Variants in BAIAP2L1 observed in about 807,000 individuals in gnomAD.
BAIAP2L1 encodes the protein BAR/IMD domain-containing adapter protein 2-like 1.
Under a neutral mutation model 66.3 loss-of-function variants are expected in BAIAP2L1, and 35 were observed. That is an observed-to-expected ratio of 0.53 (90% CI 0.40 to 0.70). The LOEUF (loss-of-function observed/expected upper bound fraction) is 0.70. Among genes scored for constraint, BAIAP2L1 ranks in the 30% least tolerant of loss-of-function variants. The pLI, the probability that BAIAP2L1 is intolerant of heterozygous loss-of-function variation, is 0.00. For synonymous variants in BAIAP2L1, 269 were observed against 248.7 expected, an observed-to-expected ratio of 1.08 and a Z score of -0.77; for missense variants, 622 against 656.9, an observed-to-expected ratio of 0.95 and a Z score of 0.58.
chr7:98,331,183 T>A (rs1801487108), intron 3 of BAIAP2L1, among the ~76,000 whole-genome samples: 1 of 151,866 alleles, frequency 6.6e-6, no homozygotes, highest in African/African-American at 2.4e-5. Flanking sequence ...CTTCCGAAAC[T>A]GAAATGCAAG....
rs528125973 is a variant in BAIAP2L1, at chr7:98,330,674, TAAAAAA to T, written c.215-10382_215-10377del. ...TGTTTCAAAAAAATAATAATAAAAA[TAAAAAA>T]TAAAGGAGGTTTATTTGGCTCTGGG... On this transcript the variant is annotated intron_variant, in intron 3 of 13. Transcript: ENST00000005260. 3.4e-4 allele frequency among the ~76,000 whole-genome samples: 52 copies of T among 152,062 alleles called. No individual in the cohort carries two copies. In the South Asian group the frequency reaches 0.01, roughly 30 times the overall value.
At chr7:98,317,831 C>T (rs1283947292) in intron 5 of BAIAP2L1, among the ~76,000 whole-genome samples, 1 of 151,138 alleles carries the variant, frequency 6.6e-6, no homozygotes, top group Non-Finnish European at 1.5e-5. Context: ...GGGACTGTCA[C>T]CCCGTAGTTC....
At chr7:98,385,406 T>C (rs1436942912) in intron 1 of BAIAP2L1, among the ~76,000 whole-genome samples, 1 of 152,156 alleles carries the variant, frequency 6.6e-6, no homozygotes, top group Non-Finnish European at 1.5e-5. Context: ...ATTTCTCAGA[T>C]ACCAGTAAGG....
intron 1 of BAIAP2L1, among the ~76,000 whole-genome samples, chr7:98,396,447 T>A (rs1803210751): frequency 6.6e-6 from 1 of 152,146 alleles, no homozygotes; most frequent in South Asian, 2.1e-4. Flanking sequence ...CAGTGACACC[T>A]TAGATCGCCA....
intron 3 of BAIAP2L1, among the ~76,000 whole-genome samples, chr7:98,345,429 G>T (rs993971217): frequency 6.6e-6 from 1 of 152,070 alleles, no homozygotes; most frequent in Non-Finnish European, 1.5e-5. Context: ...TGGTCAGTAA[G>T]AACATGAAAA....
rs764805259 is a variant in BAIAP2L1, at chr7:98,317,249, G to A, written c.456C>T (p.Asn152=). The change falls in exon 6 of 14, where the codon AAC becomes AAT. Residue 152 remains asparagine (N), a synonymous_variant. Transcript: ENST00000005260. ...KIRRKSQGSR[N]ALKYEHKEIE... is the part of the protein sequence containing the mutation. The stretch of plus-strand genomic sequence containing the variant: ...TTTCTTTGTGTTCATATTTGAGTGC[G>A]TTTCGGCTTCCTTGGCTTTTCCTTC... The A allele has an allele frequency of 6.5e-5, 105 of 1,614,108 alleles. 1 individual carries two copies. The highest frequency in any genetic ancestry group is 3.4e-4 in the South Asian group (31 of 91,088).
chr7:98,393,121 ATG>A (rs1220977168), intron 1 of BAIAP2L1, among the ~76,000 whole-genome samples: 1 of 97,734 alleles, frequency 1.0e-5, no homozygotes, highest in Non-Finnish European at 2.3e-5. Flanking sequence ...GTACACATAT[ATG>A]TATATATACA....
At chr7:98,328,843 T>A (rs952820206) in intron 3 of BAIAP2L1, among the ~76,000 whole-genome samples, 1 of 152,168 alleles carries the variant, frequency 6.6e-6, no homozygotes, top group Non-Finnish European at 1.5e-5. Context: ...TTTACACATA[T>A]CCATCTATAC....
Position 98,311,555 on chromosome 7 carries a change from T to TA in BAIAP2L1, c.807+541dup, listed in dbSNP as rs561706030. Among the ~76,000 whole-genome samples the TA allele has an allele frequency of 6.3e-3, 877 of 139,890 alleles. 7 individuals are homozygous for TA. Among genetic ancestry groups the TA allele is most frequent in the Non-Finnish European group, 7.8e-3 (500 of 63,824 alleles). The allele number at this position is 139,890 out of a possible 152,430, so 91.8% of individuals were successfully genotyped here. On this transcript the variant is annotated intron_variant, in intron 8 of 13. Coordinates refer to ENST00000005260, the MANE Select transcript of BAIAP2L1 (RefSeq NM_018842.5). ...GACTGTGTCTCAAAAACAAAAAAAA[T>TA]AAAAAAAAAACAGTAAGGATAAAAT...
At chr7:98,394,111 C>T (rs183607411) in intron 1 of BAIAP2L1, among the ~76,000 whole-genome samples, 3 of 152,120 alleles carry the variant, frequency 2.0e-5, no homozygotes, top group Non-Finnish European at 2.9e-5. Flanking sequence ...GGCGTGGTGG[C>T]AGGCGCCTGT....
intron 3 of BAIAP2L1, among the ~76,000 whole-genome samples, chr7:98,340,518 G>T (rs1401180792): frequency 1.3e-5 from 2 of 151,822 alleles, no homozygotes; most frequent in African/African-American, 2.4e-5. Context: ...CGATCTCCTG[G>T]CCTCGTGATC....
chr7:98,400,151 GCAC>G (rs1180960410), intron 1 of BAIAP2L1: 1 of 150,386 alleles, frequency 6.6e-6, no homozygotes, highest in Non-Finnish European at 1.5e-5. Flanking sequence ...CCCCACCGAC[GCAC>G]AACAGACCCC....
chr7:98,320,254 C>T lies in BAIAP2L1; in HGVS notation c.259G>A (p.Glu87Lys), dbSNP rs758939769. The T allele has an allele frequency of 1.1e-5, 17 of 1,609,760 alleles. No homozygotes were observed. Among genetic ancestry groups the T allele is most frequent in the African/African-American group, 2.7e-5 (2 of 74,894 alleles). The change falls in exon 4 of 14, where the codon GAG becomes AAG. Residue 87 changes from glutamate (E) to lysine (K), a missense_variant. Physicochemically the swap from Glu to Lys is moderately conservative, Grantham distance 56. Coordinates refer to ENST00000005260, the MANE Select transcript of BAIAP2L1 (RefSeq NM_018842.5). The part of the protein sequence containing the change: ...EISSTHKKLN[E>K]SLDENFKKFH... Reference sequence around the variant, plus strand: ...TCACGTACATTTTCATCAAGACTCTCGTTGAGTTTCTTGTGGGTACTTGAA... The same window carrying T: ...TCACGTACATTTTCATCAAGACTCTTGTTGAGTTTCTTGTGGGTACTTGAA...
rs1255749845 is a variant in BAIAP2L1, at chr7:98,304,332, T to C, written c.1286A>G (p.Asn429Ser). The C allele has an allele frequency of 6.2e-7, 1 of 1,613,708 alleles. No individual in the cohort carries two copies. The highest frequency in any genetic ancestry group is 8.5e-7 in the Non-Finnish European group (1 of 1,179,814). ...GGGTGGGGGGATGACAACACTGCTA[T>C]TCTCAGACAAGTTCACGGTGCTGAT... ...RSISTVNLSE[N>S]SSVVIPPPDY... The change falls in exon 12 of 14, where the codon AAT becomes AGT. Residue 429 changes from asparagine (N) to serine (S), a missense_variant. Coordinates refer to ENST00000005260, the MANE Select transcript of BAIAP2L1 (RefSeq NM_018842.5).
At chr7:98,300,013 C>T (rs1800356200) in intron 12 of BAIAP2L1, among the ~76,000 whole-genome samples, 1 of 152,192 alleles carries the variant, frequency 6.6e-6, no homozygotes, top group South Asian at 2.1e-4. Flanking sequence ...TGCACTCCAG[C>T]CTGGGCGACA....
At chr7:98,357,544 C>A (rs188668760) in intron 2 of BAIAP2L1, among the ~76,000 whole-genome samples, 1 of 128,746 alleles carries the variant, frequency 7.8e-6, no homozygotes, top group Non-Finnish European at 1.5e-5. Context: ...TCCAGCCTGG[C>A]GACAAAGTGA....
intron 1 of BAIAP2L1, among the ~76,000 whole-genome samples, chr7:98,363,916 AAAC>A (rs1382854288): frequency 1.3e-5 from 2 of 152,218 alleles, no homozygotes; most frequent in Non-Finnish European, 2.9e-5. Flanking sequence ...TAACAATGAA[AAAC>A]AACCCATGCC....
At chr7:98,365,017 A>AAAAC in intron 1 of BAIAP2L1, among the ~76,000 whole-genome samples, 1 of 142,652 alleles carries the variant, frequency 7.0e-6, no homozygotes, top group African/African-American at 2.6e-5. Context: ...AAAAAAAAAA[A>AAAAC]AAGAGCTATT....
chr7:98,304,203 G>A lies in BAIAP2L1; in HGVS notation c.1415C>T (p.Ala472Val), dbSNP rs144083350. 2.2e-4 allele frequency: 347 copies of A among 1,593,694 alleles called. No homozygotes were observed. The highest frequency in any genetic ancestry group is 2.0e-3 in the East Asian group (90 of 44,060). ...TGCTGCGGCTTTACTCACAGGAGCC[G>A]CGGTCTCGGGCTTGGACGCTGGGGC... ...FKAPASKPETAAPNDANGTAK... is the reference protein window; with the variant it reads ...FKAPASKPETVAPNDANGTAK... The change falls in exon 12 of 14, where the codon GCG becomes GTG. Residue 472 changes from alanine (A) to valine (V), a missense_variant. Transcript: ENST00000005260.
Sources: gnomAD v4.1 joint callset for allele counts (sites outside exome capture counted in the v4.1 genomes callset) on GRCh38, gnomAD v4.1.1 for gene constraint, MANE v1.5 for transcripts, NCBI Gene and HGNC (gene_info 2026-07-23, HGNC 2026-07-21) for gene names.